GNB1L: variants seen among roughly 807,000 people sequenced by gnomAD.
GNB1L encodes the protein guanine nucleotide-binding protein subunit beta-like protein 1.
Under a neutral mutation model 29.1 loss-of-function variants are expected in GNB1L, and 20 were observed. That is an observed-to-expected ratio of 0.69 (90% CI 0.48 to 1.00). The LOEUF (loss-of-function observed/expected upper bound fraction) is 1.00. Ranked by LOEUF, GNB1L falls within the 50% of genes least tolerant of loss-of-function variation. The probability of loss-of-function intolerance (pLI) is 0.00; values close to 1 mark genes in which losing one functional copy is unlikely to be tolerated. For missense variants in GNB1L, 421 were observed against 464.9 expected (o/e 0.91, Z 0.87); for synonymous variants, 193 against 206.5 (o/e 0.93, Z 0.56).
At chr22:19,832,070 C>A (rs1937688592) in intron 2 of GNB1L, among the ~76,000 whole-genome samples, 1 of 152,174 alleles carries the variant, frequency 6.6e-6, no homozygotes, top group Non-Finnish European at 1.5e-5. Flanking sequence ...TGGCTAACAT[C>A]ATTAATCCCA....
At chr22:19,852,491 C>G in intron 2 of GNB1L, 1 of 559,812 alleles carries the variant, frequency 1.8e-6, no homozygotes, top group South Asian at 2.6e-5. Flanking sequence ...GGCAATCTGT[C>G]CAAAGACAAG....
intron 2 of GNB1L, among the ~76,000 whole-genome samples, chr22:19,834,941 T>G (rs1302578424): frequency 6.6e-6 from 1 of 152,090 alleles, no homozygotes; most frequent in African/African-American, 2.4e-5. Context: ...GAAAAAGATA[T>G]GCTATACAAA....
chr22:19,844,679 CGCCCCAGGAGCGG>C (rs1569055196), intron 2 of GNB1L, among the ~76,000 whole-genome samples: 1 of 152,170 alleles, frequency 6.6e-6, no homozygotes, highest in South Asian at 2.1e-4. Flanking sequence ...GGATGTCCGT[CGCCCCAGGAGCGG>C]GTCCCAGGAG....
At chr22:19,847,367 TG>T (rs1937984721) in intron 2 of GNB1L, 1 of 985,362 alleles carries the variant, frequency 1.0e-6, no homozygotes, top group South Asian at 4.7e-5. Context: ...CCTTTATTGC[TG>T]GATCTTTGGG....
chr22:19,813,095 C>T (rs899672622), intron 4 of GNB1L, among the ~76,000 whole-genome samples: 5 of 152,018 alleles, frequency 3.3e-5, no homozygotes, highest in African/African-American at 1.2e-4. Flanking sequence ...CTGGCGGAGT[C>T]GAATTAGAAT....
At position 19,831,523 on chromosome 22, in the gene GNB1L, C is replaced by G. The variant is rs542925564; in HGVS notation, c.-20-10148G>C. On this transcript the variant is annotated intron_variant, in intron 2 of 7. Coordinates refer to ENST00000329517, the MANE Select transcript of GNB1L (RefSeq NM_053004.3). ...TGACTAACACGGTGAAACCCCATCT[C>G]TACTAAAAATACAAAAAATTAGCTG... 1.5e-4 allele frequency among the ~76,000 whole-genome samples: 23 copies of G among 151,900 alleles called. No homozygotes were observed. The East Asian group carries it at 4.3e-3, about 28-fold the overall frequency.
At chr22:19,849,432 G>T in intron 2 of GNB1L, 1 of 428,580 alleles carries the variant, frequency 2.3e-6, no homozygotes, top group Non-Finnish European at 3.1e-6. Flanking sequence ...GCAATGGCGT[G>T]ATCTCGGCTC....
At chr22:19,799,432 G>A (rs1601322430) in intron 7 of GNB1L, among the ~76,000 whole-genome samples, 1 of 152,210 alleles carries the variant, frequency 6.6e-6, no homozygotes. Flanking sequence ...TCACCACCGC[G>A]GCCCCTGGCC....
At chr22:19,843,433 C>G (rs922362925) in intron 2 of GNB1L, among the ~76,000 whole-genome samples, 1 of 152,170 alleles carries the variant, frequency 6.6e-6, no homozygotes. Flanking sequence ...CCCAGCAGCC[C>G]GATGGCGAGG....
chr22:19,828,914 A>T (rs1290454369), intron 2 of GNB1L, among the ~76,000 whole-genome samples: 1 of 151,404 alleles, frequency 6.6e-6, no homozygotes, highest in Non-Finnish European at 1.5e-5. Flanking sequence ...TCACTGCAAC[A>T]TCTGCCTCTG....
At chr22:19,817,701 C>A (rs1005082121) in intron 4 of GNB1L, among the ~76,000 whole-genome samples, 6 of 152,114 alleles carry the variant, frequency 3.9e-5, no homozygotes, top group African/African-American at 1.4e-4. Flanking sequence ...GAGGGGCTAC[C>A]TCCTGGGGCA....
chr22:19,842,011 G>A (rs1181989780), intron 2 of GNB1L, among the ~76,000 whole-genome samples: 4 of 152,184 alleles, frequency 2.6e-5, no homozygotes, highest in African/African-American at 9.7e-5. Context: ...ACAGGTGGCT[G>A]GTGAATGGGC....
intron 2 of GNB1L, chr22:19,850,067 A>G (rs1601356626): frequency 4.1e-6 from 4 of 971,838 alleles, no homozygotes; most frequent in Non-Finnish European, 4.9e-6. Context: ...AGAGCCACCC[A>G]CCCCCTACTC....
intron 2 of GNB1L, chr22:19,850,104 C>G (rs1417550112): frequency 2.0e-6 from 2 of 985,368 alleles, no homozygotes; most frequent in Non-Finnish European, 2.4e-6. Flanking sequence ...TTTGATCAGA[C>G]CCTTGGACCC....
chr22:19,823,312 C>T, intron 2 of GNB1L, among the ~76,000 whole-genome samples: 1 of 152,196 alleles, frequency 6.6e-6, no homozygotes, highest in Non-Finnish European at 1.5e-5. Flanking sequence ...GACCAGACCC[C>T]ACACTGCTCC....
At chr22:19,805,444 C>T (rs1937422317) in intron 6 of GNB1L, among the ~76,000 whole-genome samples, 4 of 152,218 alleles carry the variant, frequency 2.6e-5, no homozygotes, top group South Asian at 2.1e-4. Context: ...AGTCACCTCC[C>T]GGTAAAGGCC....
At chr22:19,847,948 C>T (rs1187852523) in intron 2 of GNB1L, 1 of 985,224 alleles carries the variant, frequency 1.0e-6, no homozygotes, top group Non-Finnish European at 1.2e-6. Flanking sequence ...GGGCCAACTG[C>T]TTTTACTGAA....
At position 19,788,704 on chromosome 22, in the gene GNB1L, G is replaced by A. The variant is rs765320708; in HGVS notation, c.*5C>T. 12 of 1,611,378 alleles carry A rather than the reference G, an allele frequency of 7.4e-6. No homozygotes were observed. The African/African-American group carries it at 1.1e-4, about 14-fold the overall frequency. On this transcript the variant is annotated 3_prime_UTR_variant, in exon 8 of 8. Coordinates refer to ENST00000329517, the MANE Select transcript of GNB1L (RefSeq NM_053004.3). Reference sequence around the variant, plus strand: ...TCCTCGTCTCCCGGGAAGGGAGTGGGTGAGTCATGCGCGTGGGTAGAGTGA... The same window carrying A: ...TCCTCGTCTCCCGGGAAGGGAGTGGATGAGTCATGCGCGTGGGTAGAGTGA...
rs889136642 is a variant in GNB1L at position 19,783,298 on chromosome 22, A to G, written c.*5411T>C. The G allele has an allele frequency of 2.3e-5, 10 of 441,130 alleles. No homozygotes were observed. The highest frequency in any genetic ancestry group is 6.8e-4 in the Middle Eastern group (1 of 1,460). 27.3% of individuals were successfully genotyped at this position (441,130 alleles called of 1,614,324 possible). ...AGGCCAAATGACTCGATTTCTCTAC[A>G]CCCCACATTTTACAGGTTTCAGAGC... On this transcript the variant is annotated 3_prime_UTR_variant, in exon 8 of 8. Transcript: ENST00000329517.
Sources: allele counts gnomAD v4.1 joint callset (sites outside exome capture counted in the v4.1 genomes callset), GRCh38; gene constraint gnomAD v4.1.1; transcripts MANE v1.5; gene names NCBI Gene and HGNC (gene_info 2026-07-23, HGNC 2026-07-21).